The following PRPF39 variants were observed in gnomAD, a reference collection of about 807,000 sequenced individuals.
The protein encoded by PRPF39 is pre-mRNA processing factor 39.
PRPF39 carries 27 observed loss-of-function variants against 82.1 expected under a neutral mutation model. The ratio of observed to expected loss-of-function variants is 0.33; its 90% CI spans 0.24 to 0.45. The LOEUF is 0.45. PRPF39 is among the 20% of genes least tolerant of loss of function. The pLI, the probability that PRPF39 is intolerant of heterozygous loss-of-function variation, is 1.00. For missense variants in PRPF39, 581 were observed against 796.9 expected, an observed-to-expected ratio of 0.73 and a Z score of 3.26; for synonymous variants, 261 against 256.4, an observed-to-expected ratio of 1.02 and a Z score of -0.17.
At chr14:45,084,330 C>G (rs1883750702) in intron 1 of PRPF39, 81 bp downstream of exon 1, 1 of 152,764 alleles carries the variant, frequency 6.5e-6, no homozygotes, top group East Asian at 1.9e-4. Flanking sequence ...GGGTTTCAGG[C>G]CGCGCTCTGG....
chr14:45,108,826 T>A (rs1284751571), intron 7 of PRPF39, among the ~76,000 whole-genome samples: 1 of 152,216 alleles, frequency 6.6e-6, no homozygotes, highest in African/African-American at 2.4e-5. Context: ...TACATTACAA[T>A]TCACCCATTT....
chr14:45,084,579 C>CGGCTGGGGT (rs1450625377), intron 1 of PRPF39, among the ~76,000 whole-genome samples: 1 of 152,152 alleles, frequency 6.6e-6, no homozygotes, highest in African/African-American at 2.4e-5. Context: ...AGCTGGAACA[C>CGGCTGGGGT]GGCTGGGGTG....
At chr14:45,107,984 C>T (rs1884589589) in intron 6 of PRPF39, among the ~76,000 whole-genome samples, 1 of 152,078 alleles carries the variant, frequency 6.6e-6, no homozygotes. Context: ...TCCCTTGACT[C>T]CATGAGTGGC....
At chr14:45,092,147 G>A (rs757608113) in intron 1 of PRPF39, among the ~76,000 whole-genome samples, 14 of 152,180 alleles carry the variant, frequency 9.2e-5, no homozygotes, top group African/African-American at 3.1e-4. Flanking sequence ...TGCAGCTGAT[G>A]TTCTTTTCAG....
chr14:45,110,102 G>A lies in PRPF39; in HGVS notation c.1185G>A (p.Lys395=). 6.2e-7 allele frequency: 1 copy of A among 1,613,284 alleles called. No homozygotes were observed. Among genetic ancestry groups the A allele is most frequent in the Non-Finnish European group, 8.5e-7 (1 of 1,179,432 alleles). The change falls in exon 9 of 14, where the codon AAG becomes AAA. Residue 395 remains lysine, a synonymous_variant. Transcript: ENST00000355765. The surrounding 1 kb of genome is among the most constrained non-coding windows in gnomAD (Gnocchi z 4.0). ...CTCTTTTCTGTATGTAGTATGCCAA[G>A]TACATGGAAAACCATAGCATTGAAG... ...LYEEFWIKYA[K]YMENHSIEGV... is the part of the protein sequence containing the mutation.
Position 45,107,604 on chromosome 14 carries a change from C to G in PRPF39, c.891C>G (p.Thr297=). The change falls in exon 6 of 14, where the codon ACC becomes ACG. Residue 297 remains threonine, a synonymous_variant. Coordinates refer to ENST00000355765, the MANE Select transcript of PRPF39 (RefSeq NM_017922.4). ...TACCATCGGGAATTGAAGACATAAC[C>G]GATCCTGCAAAGGTAACCAGTCTTA... The part of the protein sequence containing the change: ...DDLPSGIEDI[T]DPAKLITEIE... The G allele has an allele frequency of 6.4e-7, 1 of 1,551,756 alleles. No individual in the cohort carries two copies. Among genetic ancestry groups the G allele is most frequent in the Non-Finnish European group, 8.7e-7 (1 of 1,146,802 alleles).
chr14:45,115,129 A>G lies in PRPF39; in HGVS notation c.*216A>G. The stretch of plus-strand genomic sequence containing the variant: ...ATTTATAAAATTTACTTTTTATTGA[A>G]AAACTATTTTTTGATTTTTGCATTA... On this transcript the variant is annotated 3_prime_UTR_variant, in exon 14 of 14. Coordinates refer to ENST00000355765, the MANE Select transcript of PRPF39 (RefSeq NM_017922.4). 1 of 351,818 alleles carries G rather than the reference A, an allele frequency of 2.8e-6. No individual in the cohort carries two copies. The highest frequency in any genetic ancestry group is 5.2e-6 in the Non-Finnish European group (1 of 193,222). The allele number at this position is 351,818 out of a possible 1,614,324, so 21.8% of individuals were successfully genotyped here.
chr14:45,108,860 AT>A lies in PRPF39; in HGVS notation c.1011+341del, dbSNP rs1309167895. Among the ~76,000 whole-genome samples the A allele has an allele frequency of 8.5e-5, 13 of 152,240 alleles. 1 individual carries two copies. The East Asian group carries it at 2.1e-3, about 25-fold the overall frequency. ...TTTAGATATATAGTAAAATGAGGTA[AT>A]TTCCCACAGTTTTAATTCTTTGGTT... On this transcript the variant is annotated intron_variant, in intron 7 of 13. Coordinates refer to ENST00000355765, the MANE Select transcript of PRPF39 (RefSeq NM_017922.4).
intron 1 of PRPF39, among the ~76,000 whole-genome samples, chr14:45,094,355 TA>T (rs1884133770): frequency 6.6e-6 from 1 of 152,216 alleles, no homozygotes; most frequent in African/African-American, 2.4e-5. Flanking sequence ...TTAGATGACA[TA>T]ATTTTAAGTA....
intron 7 of PRPF39, 51 bp downstream of exon 7, chr14:45,108,573 T>C: frequency 6.5e-7 from 1 of 1,542,436 alleles, no homozygotes; most frequent in South Asian, 1.3e-5. Flanking sequence ...TAGGAATAAT[T>C]TATTTTTCTT....
At chr14:45,084,973 G>GT (rs1047685220) in intron 1 of PRPF39, among the ~76,000 whole-genome samples, 2 of 152,044 alleles carry the variant, frequency 1.3e-5, no homozygotes, top group African/African-American at 2.4e-5. Flanking sequence ...TTCAAATGTT[G>GT]TTTTTTTCGT....
chr14:45,110,239 A>G lies in PRPF39; in HGVS notation c.1303+19A>G. 6.2e-7 allele frequency: 1 copy of G among 1,612,180 alleles called. No individual in the cohort carries two copies. Among genetic ancestry groups the G allele is most frequent in the African/African-American group, 1.3e-5 (1 of 74,948 alleles). On this transcript the variant is annotated intron_variant, in intron 9 of 13. Coordinates refer to ENST00000355765, the MANE Select transcript of PRPF39 (RefSeq NM_017922.4). This position sits in a 1 kb window ranked among gnomAD's most constrained non-coding sequence, Gnocchi z 4.0. ...CAGCAGGGTAAGAGTGGAGAAATTC[A>G]GTTGACATTTTTGAGATTTTAAGTT...
intron 1 of PRPF39, among the ~76,000 whole-genome samples, chr14:45,094,128 A>G (rs762311256): frequency 2.0e-5 from 3 of 152,090 alleles, no homozygotes; most frequent in Non-Finnish European, 4.4e-5. Flanking sequence ...TATATTAAGT[A>G]GTAGTATATT....
chr14:45,095,753 T>C, intron 2 of PRPF39, 190 bp downstream of exon 2: 1 of 748,032 alleles, frequency 1.3e-6, no homozygotes, highest in Non-Finnish European at 2.0e-6. Context: ...AGAGAGTCAG[T>C]AGTGTCAAAG....
rs1351687672 is a variant in PRPF39 at position 45,110,609 on chromosome 14, C to T, written c.1364C>T (p.Ala455Val). 1.3e-6 allele frequency: 2 copies of T among 1,571,524 alleles called. No individual in the cohort carries two copies. The highest frequency in any genetic ancestry group is 2.3e-5 in the East Asian group (1 of 43,254). ...TTTGAAGAATGTGTTCTAGGATTGG[C>T]AATGGTTCGTTTACGAAGAGTAAGT... ...KTFEECVLGL[A>V]MVRLRRVSLE... The change falls in exon 10 of 14, where the codon GCA becomes GTA. Residue 455 changes from alanine (A) to valine (V), a missense_variant. Physicochemically the swap from Ala to Val is moderately conservative, Grantham distance 64. Coordinates refer to ENST00000355765, the MANE Select transcript of PRPF39 (RefSeq NM_017922.4). This position sits in a 1 kb window ranked among gnomAD's most constrained non-coding sequence, Gnocchi z 4.0.
At position 45,086,709 on chromosome 14, in the gene PRPF39, GA is replaced by G. The variant is rs942631368; in HGVS notation, c.-20+2461del. Among the ~76,000 whole-genome samples the G allele has an allele frequency of 1.6e-3, 249 of 152,254 alleles. 1 individual carries two copies. The highest frequency in any genetic ancestry group is 5.8e-3 in the African/African-American group (239 of 41,544). ...CAAGTATTATTTCAGGTTCAAGGGG[GA>G]CAGCGGTGAACAAAACTGATAAGGC... is the stretch of plus-strand genomic sequence containing the variant. On this transcript the variant is annotated intron_variant, in intron 1 of 13. Coordinates refer to ENST00000355765, the MANE Select transcript of PRPF39 (RefSeq NM_017922.4).
chr14:45,113,426 G>A (rs115137685), intron 11 of PRPF39, among the ~76,000 whole-genome samples: 1,910 of 152,264 alleles, frequency 0.013, 47 homozygotes, highest in African/African-American at 0.043. Context: ...CAGAGATTAG[G>A]CATTTTTTCT....
chr14:45,104,569 G>A (rs568008210), intron 5 of PRPF39, among the ~76,000 whole-genome samples: 1 of 152,294 alleles, frequency 6.6e-6, no homozygotes, highest in East Asian at 1.9e-4. Flanking sequence ...CTGTGAGTTG[G>A]TCAGAAGGAT....
At chr14:45,096,064 A>C in intron 2 of PRPF39, 39 bp from the exon 3 acceptor site, 1 of 1,480,072 alleles carries the variant, frequency 6.8e-7, no homozygotes. Flanking sequence ...TTTTGACAGA[A>C]ATTTCCACAA....
Sources: allele counts gnomAD v4.1 joint callset (sites outside exome capture counted in the v4.1 genomes callset), GRCh38; gene constraint gnomAD v4.1.1; non-coding constraint Gnocchi (gnomAD v3.1); transcripts MANE v1.5; gene names NCBI Gene and HGNC (gene_info 2026-07-23, HGNC 2026-07-21).